COMMD5: variants seen among roughly 807,000 people sequenced by gnomAD.
The protein encoded by COMMD5 is COMM domain-containing protein 5.
A neutral mutation model predicts 6.9 loss-of-function variants in COMMD5; 10 were observed. The ratio of observed to expected loss-of-function variants is 1.44; its 90% CI spans 0.89 to 2.45. The LOEUF (loss-of-function observed/expected upper bound fraction) is 2.45. Among genes scored for constraint, COMMD5 ranks in the 30% most tolerant of loss-of-function variants. The probability of loss-of-function intolerance (pLI) is 0.00; values close to 1 mark genes in which losing one functional copy is unlikely to be tolerated. For synonymous variants in COMMD5, 127 were observed against 125.3 expected, an observed-to-expected ratio of 1.01 and a Z score of -0.09; for missense variants, 234 against 287.8, an observed-to-expected ratio of 0.81 and a Z score of 1.35.
chr8:144,838,388 A>G, downstream of COMMD5: 1 of 475,848 alleles, frequency 2.1e-6, no homozygotes, highest in South Asian at 3.4e-5. Context: ...CAGGGCACCC[A>G]CTGCCTCCGG....
rs146742376 is a variant in COMMD5, at chr8:144,844,134, T to C, written c.*117-2391A>G. Among the ~76,000 whole-genome samples, 923 of 152,286 alleles carry C rather than the reference T, an allele frequency of 6.1e-3. 11 individuals are homozygous for C. The highest frequency in any genetic ancestry group is 0.021 in the African/African-American group (885 of 41,560). On this transcript the variant is annotated intron_variant and NMD_transcript_variant, in intron 1 of 1. Transcript: ENST00000530332. ...GCTTGCTGTGTGACCTAGGACATCA[T>C]TGCCCTCCCTGAAACTCAGAGCCTT...
intron 1 of COMMD5, chr8:144,842,328 C>A: frequency 6.2e-7 from 1 of 1,613,976 alleles, no homozygotes; most frequent in Non-Finnish European, 8.5e-7. Context: ...AGAGAATTCA[C>A]GCTGTAGAGA....
At chr8:144,839,457 C>G (rs1270312773), downstream of COMMD5, among the ~76,000 whole-genome samples, 1 of 152,256 alleles carries the variant, frequency 6.6e-6, no homozygotes, top group Admixed American at 6.5e-5. Context: ...CCCAGCCGCC[C>G]ATTAAAATGT....
chr8:144,841,988 T>A lies in COMMD5; in HGVS notation c.*117-245A>T. On this transcript the variant is annotated intron_variant and NMD_transcript_variant, in intron 1 of 1. Coordinates refer to the COMMD5 transcript ENST00000530332. ...GCCTTCCGCCTGAGCTCAAAACTTATTCAGCATCAAAGAATCCACACTGGG... is the reference window on the plus strand; with the variant it reads ...GCCTTCCGCCTGAGCTCAAAACTTAATCAGCATCAAAGAATCCACACTGGG... 1.9e-6 allele frequency: 3 copies of A among 1,614,146 alleles called. No individual in the cohort carries two copies. In the South Asian group the frequency reaches 3.3e-5, roughly 18 times the overall value.
In COMMD5 at chr8:144,852,833, A is replaced by G. The variant is rs1830809568; in HGVS notation, c.-58+6T>C. The G allele has an allele frequency of 6.6e-6, 1 of 152,270 alleles. No individual in the cohort carries two copies. Among genetic ancestry groups the G allele is most frequent in the Non-Finnish European group, 1.5e-5 (1 of 68,070 alleles). 9.4% of individuals were successfully genotyped at this position (152,270 alleles called of 1,614,324 possible). A position where few individuals can be genotyped will look rare whatever the true frequency, so the allele number is the denominator to read the frequency against. ...TCGCCGCCCCCACGGTTCGGGGCCA[A>G]CCTACCGGCGGGCGCTCCTCCGCGG... is the stretch of plus-strand genomic sequence containing the variant. On this transcript the variant is annotated splice_donor_region_variant and intron_variant, in intron 1 of 1. Transcript: ENST00000305103.
chr8:144,841,817 A>G (rs1304339268), intron 1 of COMMD5: 1 of 1,614,110 alleles, frequency 6.2e-7, no homozygotes, highest in East Asian at 2.2e-5. Context: ...GACTGCTTGC[A>G]GGGGAAACAT....
At position 144,850,581 on chromosome 8, in the gene COMMD5, T is replaced by C; in HGVS notation, c.*83A>G. On this transcript the variant is annotated 3_prime_UTR_variant, in exon 2 of 2. Coordinates refer to ENST00000305103, the MANE Select transcript of COMMD5 (RefSeq NM_014066.4). The surrounding 1 kb of genome is among the most constrained non-coding windows in gnomAD (Gnocchi z 4.0). ...CTGCCTCATGGGAAGGGCAGGGCTG[T>C]CGTGGGAAGAGTCAGCTGCACTTTG... is the stretch of plus-strand genomic sequence containing the variant. 6.9e-7 allele frequency: 1 copy of C among 1,451,346 alleles called. No homozygotes were observed. The highest frequency in any genetic ancestry group is 9.4e-7 in the Non-Finnish European group (1 of 1,066,064). The allele number at this position is 1,451,346 out of a possible 1,614,324, so 89.9% of individuals were successfully genotyped here.
exon 2 of COMMD5, chr8:144,841,105 G>A (rs1397744705): frequency 6.2e-6 from 3 of 480,748 alleles, no homozygotes; most frequent in Non-Finnish European, 1.1e-5. Flanking sequence ...GGACCTCTCT[G>A]CTCACAGAAC....
chr8:144,851,122 C>T lies in COMMD5; in HGVS notation c.217G>A (p.Val73Ile), dbSNP rs758594522. The change falls in exon 2 of 2, where the codon GTC (valine) becomes ATC (isoleucine). Residue 73 changes from valine to isoleucine, a missense_variant. By Grantham distance (29) the Val-to-Ile change is conservative. Transcript: ENST00000305103. ...DCREAVQRLG[V>I]SANLPEEQLG... ...TGCTCCTCCGGCAGGTTGGCGCTGA[C>T]CCCAAGACGCTGCACAGCCTCTCGG... 6.2e-7 allele frequency: 1 copy of T among 1,612,878 alleles called. No individual in the cohort carries two copies. The highest frequency in any genetic ancestry group is 1.1e-5 in the South Asian group (1 of 91,042).
chr8:144,852,168 G>C (rs930761692), intron 1 of COMMD5, among the ~76,000 whole-genome samples: 6 of 133,864 alleles, frequency 4.5e-5, no homozygotes, highest in Non-Finnish European at 6.4e-5. Context: ...AATGGAGGGA[G>C]GGGGGAGGGA....
upstream of COMMD5, chr8:144,853,534 G>A (rs1211127131): frequency 1.3e-5 from 2 of 152,388 alleles, no homozygotes; most frequent in African/African-American, 2.4e-5. Flanking sequence ...TTCCCCTCCT[G>A]TCGGGTGGCG....
downstream of COMMD5, chr8:144,847,582 C>T (rs1008445034): frequency 6.6e-6 from 1 of 152,178 alleles, no homozygotes; most frequent in Non-Finnish European, 1.5e-5. Context: ...ACTATCTGGA[C>T]CTTTCTGGAA....
rs757392773 is a variant in COMMD5, at chr8:144,850,738, G to A, written c.601C>T (p.Arg201Trp). ...EVPTAKFQEL[R>W]YSVALVLKEM... ...TTTAGGACCAGGGCCACGCTGTACC[G>A]CAGCTCCTGGAACTTGGCTGTGGGG... The change falls in exon 2 of 2, where the codon CGG becomes TGG. Residue 201 changes from arginine (R) to tryptophan (W), a missense_variant. Arg to Trp is a moderately radical substitution (Grantham distance 101, BLOSUM62 -3). Coordinates refer to ENST00000305103, the MANE Select transcript of COMMD5 (RefSeq NM_014066.4). This position sits in a 1 kb window ranked among gnomAD's most constrained non-coding sequence, Gnocchi z 4.0. 1.9e-6 allele frequency: 3 copies of A among 1,614,180 alleles called. No individual in the cohort carries two copies. The highest frequency in any genetic ancestry group is 3.3e-5 in the Admixed American group (2 of 60,030).
At chr8:144,844,735 A>AAAAG (rs1830411658) in intron 1 of COMMD5, among the ~76,000 whole-genome samples, 1 of 148,578 alleles carries the variant, frequency 6.7e-6, no homozygotes, top group African/African-American at 2.5e-5. Flanking sequence ...AAAAAAAAAA[A>AAAAG]ACGAAAATGG....
downstream of COMMD5, chr8:144,846,168 G>C (rs1201487619): frequency 6.5e-7 from 1 of 1,536,016 alleles, no homozygotes; most frequent in African/African-American, 1.4e-5. Flanking sequence ...TCAGCCATAT[G>C]GATGGTCTGA....
At chr8:144,842,912 T>A in intron 1 of COMMD5, 1 of 1,614,196 alleles carries the variant, frequency 6.2e-7, no homozygotes, top group South Asian at 1.1e-5. Context: ...CACCAGAGAA[T>A]ACACACTAGG....
intron 1 of COMMD5, among the ~76,000 whole-genome samples, chr8:144,852,067 G>A (rs1252288622): frequency 1.3e-5 from 2 of 150,456 alleles, no homozygotes; most frequent in African/African-American, 2.4e-5. Context: ...CTTGAGCCCA[G>A]GAAGTCGTGG....
chr8:144,850,656 G>A lies in COMMD5; in HGVS notation c.*8C>T, dbSNP rs747127036. ...GCCGGATCTGAATGGGACTGGTCAA[G>A]TGAGGGGTCAGTCCTGCAGTCTGCG... is the stretch of plus-strand genomic sequence containing the variant. On this transcript the variant is annotated 3_prime_UTR_variant, in exon 2 of 2. Coordinates refer to ENST00000305103, the MANE Select transcript of COMMD5 (RefSeq NM_014066.4). The surrounding 1 kb of genome is among the most constrained non-coding windows in gnomAD (Gnocchi z 4.0). The A allele has an allele frequency of 1.9e-6, 3 of 1,609,108 alleles. No individual in the cohort carries two copies. The highest frequency in any genetic ancestry group is 2.2e-5 in the East Asian group (1 of 44,782).
downstream of COMMD5, among the ~76,000 whole-genome samples, chr8:144,849,459 C>G (rs559458550): frequency 3.5e-4 from 54 of 152,192 alleles, no homozygotes; most frequent in African/African-American, 1.3e-3. Context: ...GAAATCCAGG[C>G]TAGTGGAGGA....
Sources: allele counts gnomAD v4.1 joint callset (sites outside exome capture counted in the v4.1 genomes callset), GRCh38; gene constraint gnomAD v4.1.1; non-coding constraint Gnocchi (gnomAD v3.1); transcripts MANE v1.5; gene names NCBI Gene and HGNC (gene_info 2026-07-23, HGNC 2026-07-21).